TRAF5: variants seen among roughly 807,000 people sequenced by gnomAD.
The protein encoded by TRAF5 is TNF receptor associated factor 5.
A neutral mutation model predicts 64.5 loss-of-function variants in TRAF5; 48 were observed. That is an observed-to-expected ratio of 0.74 (90% confidence interval 0.59 to 0.95). TRAF5 has a LOEUF of 0.95. Among genes scored for constraint, TRAF5 ranks in the 40% least tolerant of loss-of-function variants. The pLI is 0.00. For synonymous variants in TRAF5, 206 were observed against 240.5 expected (o/e 0.86, Z 1.33); for missense variants, 545 against 662.8 (o/e 0.82, Z 1.95).
At position 211,372,201 on chromosome 1, in the gene TRAF5, A is replaced by T. The variant is rs369475274; in HGVS notation, c.1173A>T (p.Glu391Asp). The change falls in exon 11 of 11, where the codon GAA becomes GAT. Residue 391 changes from glutamate (E) to aspartate (D), a missense_variant. By Grantham distance (45) the Glu-to-Asp change is conservative (BLOSUM62 2). Coordinates refer to ENST00000261464, the MANE Select transcript of TRAF5 (RefSeq NM_001033910.3). ...ATAAAGCACAGCTGAGTAAAAATGAAGAGCGATTTAAACTGCTGGAGGGTA... is the reference window on the plus strand; with the variant it reads ...ATAAAGCACAGCTGAGTAAAAATGATGAGCGATTTAAACTGCTGGAGGGTA... ...NIHKAQLSKN[E>D]ERFKLLEGTC... 2 of 1,614,074 alleles carry T rather than the reference A, an allele frequency of 1.2e-6. No homozygotes were observed. Among genetic ancestry groups the T allele is most frequent in the Non-Finnish European group, 1.7e-6 (2 of 1,180,006 alleles).
intron 3 of TRAF5, among the ~76,000 whole-genome samples, chr1:211,354,989 A>G (rs1330608242): frequency 1.3e-5 from 2 of 152,130 alleles, no homozygotes; most frequent in African/African-American, 4.8e-5. Context: ...CTTGACCAAC[A>G]TGGCGAAACC....
intron 1 of TRAF5, among the ~76,000 whole-genome samples, chr1:211,329,424 C>T (rs1702102545): frequency 6.6e-6 from 1 of 152,194 alleles, no homozygotes; most frequent in Non-Finnish European, 1.5e-5. Context: ...TGATTAACTT[C>T]TCACTACCTC....
chr1:211,355,072 C>G (rs1393985557), intron 3 of TRAF5, among the ~76,000 whole-genome samples: 1 of 151,860 alleles, frequency 6.6e-6, no homozygotes, highest in East Asian at 1.9e-4. Context: ...ACTTGGGAGG[C>G]CGAGGCACAA....
At chr1:211,336,916 T>G (rs1002861620) in intron 1 of TRAF5, among the ~76,000 whole-genome samples, 1 of 152,034 alleles carries the variant, frequency 6.6e-6, no homozygotes, top group Non-Finnish European at 1.5e-5. Context: ...ACCTCGGCCT[T>G]CCAAAGTGCC....
At chr1:211,348,591 T>C (rs1280672571) in intron 1 of TRAF5, among the ~76,000 whole-genome samples, 1 of 152,036 alleles carries the variant, frequency 6.6e-6, no homozygotes, top group African/African-American at 2.4e-5. Context: ...TGTTATCTAG[T>C]AGGAGTTTTA....
intron 1 of TRAF5, among the ~76,000 whole-genome samples, chr1:211,336,335 C>T (rs1035235171): frequency 2.0e-5 from 3 of 152,220 alleles, no homozygotes; most frequent in Non-Finnish European, 4.4e-5. Context: ...TGGCACCTCA[C>T]CCAGAGGCTA....
At position 211,353,287 on chromosome 1, in the gene TRAF5, C is replaced by T. The variant is rs1438983570; in HGVS notation, c.48C>T (p.Arg16=). The change falls in exon 2 of 11, where the codon CGC becomes CGT. Residue 16 remains arginine (R), a synonymous_variant. Transcript: ENST00000261464. ...AAGGTATGCCCTGTGGTTTCATCCGCCAGAATTCCGGCAACTCCATTTCCT... is the reference window on the plus strand; with the variant it reads ...AAGGTATGCCCTGTGGTTTCATCCGTCAGAATTCCGGCAACTCCATTTCCT... ...EHKGMPCGFI[R]QNSGNSISLD... The T allele has an allele frequency of 1.2e-6, 2 of 1,614,080 alleles. No homozygotes were observed.
chr1:211,334,728 A>G (rs1024713961), intron 1 of TRAF5, among the ~76,000 whole-genome samples: 4 of 152,222 alleles, frequency 2.6e-5, no homozygotes, highest in Non-Finnish European at 4.4e-5. Context: ...AGCCGCTCTT[A>G]GCAGTTCAGG....
intron 8 of TRAF5, 59 bp downstream of exon 8, chr1:211,365,527 C>T (rs1320493245): frequency 7.4e-7 from 1 of 1,346,774 alleles, no homozygotes; most frequent in African/African-American, 1.5e-5. Flanking sequence ...GATTTACCTG[C>T]TCTATGCTGG....
chr1:211,372,199 G>A lies in TRAF5; in HGVS notation c.1171G>A (p.Glu391Lys), dbSNP rs746320684. The stretch of plus-strand genomic sequence containing the variant: ...TCATAAAGCACAGCTGAGTAAAAAT[G>A]AAGAGCGATTTAAACTGCTGGAGGG... ...NIHKAQLSKN[E>K]ERFKLLEGTC... is the part of the protein sequence containing the mutation. The change falls in exon 11 of 11, where the codon GAA (glutamate) becomes AAA (lysine). Residue 391 changes from glutamate to lysine, a missense_variant. Coordinates refer to ENST00000261464, the MANE Select transcript of TRAF5 (RefSeq NM_001033910.3). 2 of 1,607,840 alleles carry A rather than the reference G, an allele frequency of 1.2e-6. No individual in the cohort carries two copies. The highest frequency in any genetic ancestry group is 1.7e-6 in the Non-Finnish European group (2 of 1,176,780).
chr1:211,362,454 T>A (rs936661718), intron 7 of TRAF5, among the ~76,000 whole-genome samples: 1 of 151,890 alleles, frequency 6.6e-6, no homozygotes, highest in Non-Finnish European at 1.5e-5. Context: ...CTGAGGTGGG[T>A]GGATCATTTG....
chr1:211,351,189 G>A (rs565364707), intron 1 of TRAF5, among the ~76,000 whole-genome samples: 1 of 152,104 alleles, frequency 6.6e-6, no homozygotes, highest in East Asian at 1.9e-4. Flanking sequence ...ACCACGCCTG[G>A]CTAATTTTTT....
At chr1:211,371,759 A>G (rs2102775803) in intron 10 of TRAF5, among the ~76,000 whole-genome samples, 1 of 152,268 alleles carries the variant, frequency 6.6e-6, no homozygotes, top group South Asian at 2.1e-4. Flanking sequence ...TAATGAGAAG[A>G]CTCAGGGAGA....
intron 7 of TRAF5, among the ~76,000 whole-genome samples, chr1:211,364,022 G>A (rs1558146275): frequency 6.6e-6 from 1 of 151,494 alleles, no homozygotes; most frequent in Non-Finnish European, 1.5e-5. Context: ...CTCAGCACCA[G>A]AGCTTGGGAT....
At chr1:211,335,087 T>C (rs1188666734) in intron 1 of TRAF5, among the ~76,000 whole-genome samples, 1 of 152,168 alleles carries the variant, frequency 6.6e-6, no homozygotes, top group Non-Finnish European at 1.5e-5. Context: ...GGAAATGATA[T>C]AGTTGGTCAT....
intron 7 of TRAF5, among the ~76,000 whole-genome samples, chr1:211,361,631 AT>A (rs1703182916): frequency 6.6e-6 from 1 of 151,850 alleles, no homozygotes; most frequent in South Asian, 2.1e-4. Flanking sequence ...TGAGCAAACA[AT>A]TGGGCACCAT....
intron 1 of TRAF5, among the ~76,000 whole-genome samples, chr1:211,343,321 G>A (rs764659323): frequency 6.6e-6 from 1 of 152,118 alleles, no homozygotes; most frequent in African/African-American, 2.4e-5. Context: ...CCTTGGAGGG[G>A]CAGGGAGGAA....
At chr1:211,362,697 A>G (rs984829217) in intron 7 of TRAF5, among the ~76,000 whole-genome samples, 1 of 149,802 alleles carries the variant, frequency 6.7e-6, no homozygotes, top group Non-Finnish European at 1.5e-5. Flanking sequence ...AAACGAAAAA[A>G]CCCCCCCAAC....
chr1:211,332,624 A>G (rs1471440106), intron 1 of TRAF5, among the ~76,000 whole-genome samples: 1 of 152,246 alleles, frequency 6.6e-6, no homozygotes, highest in Non-Finnish European at 1.5e-5. Flanking sequence ...GAATAATTTA[A>G]TATAAAGCAA....
Sources: allele counts gnomAD v4.1 joint callset (sites outside exome capture counted in the v4.1 genomes callset), GRCh38; gene constraint gnomAD v4.1.1; transcripts MANE v1.5; gene names NCBI Gene and HGNC (gene_info 2026-07-23, HGNC 2026-07-21).